RBFOX3: variants seen among roughly 807,000 people sequenced by gnomAD.
RBFOX3 encodes the protein RNA binding protein fox-1 homolog 3.
In RBFOX3, 17 loss-of-function variants were observed where a neutral mutation model predicts 48.7. The ratio of observed to expected loss-of-function variants is 0.35; its 90% CI spans 0.24 to 0.52. The LOEUF is 0.52. Among genes scored for constraint, RBFOX3 ranks in the 20% least tolerant of loss-of-function variants. The pLI is 0.94. For missense variants in RBFOX3, 382 were observed against 497.5 expected, an observed-to-expected ratio of 0.77 and a Z score of 2.21; for synonymous variants, 212 against 209.5, an observed-to-expected ratio of 1.01 and a Z score of -0.10.
At chr17:79,485,751 A>T (rs2079494174) in intron 1 of RBFOX3, among the ~76,000 whole-genome samples, 2 of 152,182 alleles carry the variant, frequency 1.3e-5, no homozygotes, top group Non-Finnish European at 2.9e-5. Flanking sequence ...GAGGGCAGGG[A>T]TCAGCCTCAG....
At chr17:79,495,749 C>T (rs1213065637) in intron 1 of RBFOX3, among the ~76,000 whole-genome samples, 3 of 114,962 alleles carry the variant, frequency 2.6e-5, no homozygotes, top group African/African-American at 1.1e-4. Context: ...GAGGGTATGA[C>T]AGGGTAGGGC....
chr17:79,608,014 C>G (rs2093873911), intron 1 of RBFOX3, among the ~76,000 whole-genome samples: 1 of 152,210 alleles, frequency 6.6e-6, no homozygotes, highest in Admixed American at 6.5e-5. Flanking sequence ...CTTGAATGAG[C>G]CTCGGGAGCC....
At chr17:79,660,798 T>A in the RBFOX3 span, among the ~76,000 whole-genome samples, 1 of 152,168 alleles carries the variant, frequency 6.6e-6, no homozygotes, top group African/African-American at 2.4e-5. Flanking sequence ...CAAAGGAATA[T>A]AAATCGTTCT....
At chr17:79,505,302 C>T (rs1221890489) in intron 1 of RBFOX3, among the ~76,000 whole-genome samples, 1 of 152,162 alleles carries the variant, frequency 6.6e-6, no homozygotes, top group Non-Finnish European at 1.5e-5. Flanking sequence ...ACTGCCAGCA[C>T]CTGCCTGGGG....
intron 4 of RBFOX3, among the ~76,000 whole-genome samples, chr17:79,137,764 A>C (rs2040590609): frequency 6.6e-6 from 1 of 152,186 alleles, no homozygotes; most frequent in Non-Finnish European, 1.5e-5. Flanking sequence ...GTCCCTCATT[A>C]ATGAGTTTCT....
Position 79,356,366 on chromosome 17 carries a change from T to TTTTTTTTTTTTTTTTTTTTG in RBFOX3, c.-174-48543_-174-48542insCAAAAAAAAAAAAAAAAAAA, listed in dbSNP as rs2085061187. The stretch of plus-strand genomic sequence containing the variant: ...CAGGGAAGTTTTTTTTTTTTTTTTT[T>TTTTTTTTTTTTTTTTTTTTG]TTTTTTTTTTTTTTTTTTTTGAGGA... On this transcript the variant is annotated intron_variant, in intron 2 of 14. Coordinates refer to ENST00000693108, the MANE Select transcript of RBFOX3 (RefSeq NM_001350451.2). Among the ~76,000 whole-genome samples the TTTTTTTTTTTTTTTTTTTTG allele has an allele frequency of 1.9e-5, 2 of 105,938 alleles. 1 individual carries two copies. Among genetic ancestry groups the TTTTTTTTTTTTTTTTTTTTG allele is most frequent in the African/African-American group, 7.4e-5 (2 of 26,942 alleles). The allele number at this position is 105,938 out of a possible 152,430, so 69.5% of individuals were successfully genotyped here.
intron 1 of RBFOX3, among the ~76,000 whole-genome samples, chr17:79,521,150 G>A (rs1453399018): frequency 5.3e-5 from 8 of 152,228 alleles, no homozygotes; most frequent in Non-Finnish European, 8.8e-5. Flanking sequence ...CTTTACCACA[G>A]TGACCACAGC....
intron 2 of RBFOX3, among the ~76,000 whole-genome samples, chr17:79,449,622 A>AACACACATAAACACACACAC (rs2073070118): frequency 6.9e-6 from 1 of 144,494 alleles, no homozygotes; most frequent in Non-Finnish European, 1.5e-5. Flanking sequence ...TGCACACATA[A>AACACACATAAACACACACAC]ACACACACAC....
chr17:79,371,008 T>TGAA (rs2058466406), intron 2 of RBFOX3, among the ~76,000 whole-genome samples: 7 of 97,226 alleles, frequency 7.2e-5, no homozygotes, highest in Admixed American at 5.2e-4. Flanking sequence ...GGTAGGGGGT[T>TGAA]AGGGAGGGAA....
At chr17:79,298,051 C>T (rs905046604) in intron 3 of RBFOX3, among the ~76,000 whole-genome samples, 1 of 152,268 alleles carries the variant, frequency 6.6e-6, no homozygotes, top group African/African-American at 2.4e-5. Flanking sequence ...GACTCAGTAG[C>T]ATCTTAGAGC....
chr17:79,576,939 T>G (rs1482880872), intron 1 of RBFOX3, among the ~76,000 whole-genome samples: 1 of 152,204 alleles, frequency 6.6e-6, no homozygotes, highest in Non-Finnish European at 1.5e-5. Context: ...GCTTGATGTT[T>G]CCTGCTGTCC....
chr17:79,403,991 G>A (rs771852055), intron 2 of RBFOX3, among the ~76,000 whole-genome samples: 4 of 152,194 alleles, frequency 2.6e-5, no homozygotes, highest in South Asian at 2.1e-4. Flanking sequence ...TGTTAACCAG[G>A]ATGGTCTTGA....
intron 4 of RBFOX3, among the ~76,000 whole-genome samples, chr17:79,190,902 G>T (rs2054390825): frequency 6.6e-6 from 1 of 152,198 alleles, no homozygotes; most frequent in Admixed American, 6.5e-5. Flanking sequence ...CACTCTCAGG[G>T]TGTCCAAAAG....
the RBFOX3 span, among the ~76,000 whole-genome samples, chr17:79,656,793 A>AAGGAAG: frequency 8.2e-4 from 17 of 20,666 alleles, 1 homozygote; most frequent in East Asian, 0.1. Context: ...AAAGAAAGAA[A>AAGGAAG]GAAAGAAAGA....
intron 1 of RBFOX3, among the ~76,000 whole-genome samples, chr17:79,520,366 G>A (rs2085887740): frequency 6.6e-6 from 1 of 152,228 alleles, no homozygotes; most frequent in South Asian, 2.1e-4. Context: ...ACAGCAGTGA[G>A]GACTAGAAGG....
At chr17:79,543,461 C>T (rs1470472017) in intron 1 of RBFOX3, among the ~76,000 whole-genome samples, 1 of 152,046 alleles carries the variant, frequency 6.6e-6, no homozygotes. Flanking sequence ...AGCAGGACCC[C>T]CTTGGAACCA....
rs1008235848 is a variant in RBFOX3 at position 79,254,357 on chromosome 17, C to A, written c.-73-18552G>T. ...AGGTGGCAGCAGGTGAGGAACCTTA[C>A]TCCTGAGACCCTCAGCCCTAGCTCC... On this transcript the variant is annotated intron_variant, in intron 3 of 14. Coordinates refer to ENST00000693108, the MANE Select transcript of RBFOX3 (RefSeq NM_001350451.2). The surrounding 1 kb of genome is among the most constrained non-coding windows in gnomAD (Gnocchi z 4.8). Among the ~76,000 whole-genome samples, 2 of 152,154 alleles carry A rather than the reference C, an allele frequency of 1.3e-5. No homozygotes were observed. Among genetic ancestry groups the A allele is most frequent in the Middle Eastern group, 3.2e-3 (1 of 316 alleles).
Position 79,519,296 on chromosome 17 carries a change from A to G in RBFOX3, c.-319-36698T>C, listed in dbSNP as rs989351248. 2.8e-3 allele frequency among the ~76,000 whole-genome samples: 423 copies of G among 152,326 alleles called. 7 individuals are homozygous for G. The South Asian group carries it at 0.048, about 17-fold the overall frequency. ...ACACTCCCCACAGAGTGCTCCTGCCATGCTCTCAAGGAAGCAGAGCAAGAG... is the reference window on the plus strand; with the variant it reads ...ACACTCCCCACAGAGTGCTCCTGCCGTGCTCTCAAGGAAGCAGAGCAAGAG... On this transcript the variant is annotated intron_variant, in intron 1 of 14. Coordinates refer to ENST00000693108, the MANE Select transcript of RBFOX3 (RefSeq NM_001350451.2).
chr17:79,512,064 T>C (rs1435214654), intron 1 of RBFOX3, among the ~76,000 whole-genome samples: 1 of 68,742 alleles, frequency 1.5e-5, no homozygotes, highest in Non-Finnish European at 2.8e-5. Flanking sequence ...AGCCAGGGGA[T>C]ATACACCCGG....
Sources: gnomAD v4.1 joint callset for allele counts (sites outside exome capture counted in the v4.1 genomes callset) on GRCh38, gnomAD v4.1.1 for gene constraint, Gnocchi (gnomAD v3.1) non-coding constraint, MANE v1.5 for transcripts, NCBI Gene and HGNC (gene_info 2026-07-23, HGNC 2026-07-21) for gene names.